Variants in LRRC7 observed in about 807,000 individuals in gnomAD.
The protein encoded by LRRC7 is leucine-rich repeat-containing protein 7.
A neutral mutation model predicts 175.7 loss-of-function variants in LRRC7; 23 were observed. The observed-to-expected ratio is 0.13, with a 90% confidence interval of 0.09 to 0.19. The LOEUF is 0.19. Among genes scored for constraint, LRRC7 ranks in the 10% least tolerant of loss-of-function variants. LRRC7 has a pLI of 1.00. For synonymous variants in LRRC7, 685 were observed against 680.9 expected, an observed-to-expected ratio of 1.01 and a Z score of -0.09; for missense variants, 1,354 against 1,904.7, an observed-to-expected ratio of 0.71 and a Z score of 5.38.
chr1:70,033,154 A>G (rs1004072995), intron 18 of LRRC7, among the ~76,000 whole-genome samples: 5 of 152,236 alleles, frequency 3.3e-5, no homozygotes, highest in African/African-American at 1.2e-4. Flanking sequence ...ACAATACAGC[A>G]TACACAGTAT....
chr1:69,853,414 G>T (rs1683223875), intron 7 of LRRC7, among the ~76,000 whole-genome samples: 1 of 151,250 alleles, frequency 6.6e-6, no homozygotes, highest in African/African-American at 2.4e-5. Context: ...GAGTAGCTGG[G>T]ACTACAGGCA....
chr1:69,807,113 G>A (rs963542339), intron 4 of LRRC7, among the ~76,000 whole-genome samples: 1 of 151,876 alleles, frequency 6.6e-6, no homozygotes, highest in Non-Finnish European at 1.5e-5. Context: ...AGACTAGGAT[G>A]GCAACCCCTG....
In LRRC7 at chr1:69,795,912, G is replaced by GTT. The variant is rs781358321; in HGVS notation, c.421+3760_421+3761dup. Among the ~76,000 whole-genome samples, 397 of 149,488 alleles carry GTT rather than the reference G, an allele frequency of 2.7e-3. 1 individual carries two copies. Among genetic ancestry groups the GTT allele is most frequent in the Non-Finnish European group, 3.4e-3 (227 of 67,318 alleles). On this transcript the variant is annotated intron_variant, in intron 4 of 26. Coordinates refer to ENST00000651989, the MANE Select transcript of LRRC7 (RefSeq NM_001370785.2). Reference sequence around the variant, plus strand: ...ATTTGAGTAAACAGATTTTTTTTGGGTTTTTTTTTGTTTTTTTCTTATTTT... The same window carrying GTT: ...ATTTGAGTAAACAGATTTTTTTTGGGTTTTTTTTTTTGTTTTTTTCTTATTTT...
intron 2 of LRRC7, among the ~76,000 whole-genome samples, chr1:69,708,755 C>T (rs1664363566): frequency 6.6e-6 from 1 of 152,060 alleles, no homozygotes; most frequent in Non-Finnish European, 1.5e-5. Flanking sequence ...CTCCATATGT[C>T]GCTCATATTC....
intron 3 of LRRC7, among the ~76,000 whole-genome samples, chr1:69,783,674 T>C (rs12041299): frequency 0.36 from 53,005 of 147,002 alleles, 9,496 homozygotes; most frequent in East Asian, 0.5. Context: ...ATTGCTTGAA[T>C]CTGGGAGGAG....
chr1:70,061,782 G>A (rs559623177), intron 23 of LRRC7, among the ~76,000 whole-genome samples: 2 of 152,070 alleles, frequency 1.3e-5, no homozygotes, highest in South Asian at 4.1e-4. Flanking sequence ...TAGATCTACG[G>A]AAATGCAACC....
In LRRC7 at chr1:70,142,309, G is replaced by T. The variant is rs568813802; in HGVS notation, c.*20422G>T. ...CTCTAGAAAATTTGGTTTTAGCTTT[G>T]ATGACACCTAGCGTCAGTGGAATGC... is the stretch of plus-strand genomic sequence containing the variant. On this transcript the variant is annotated 3_prime_UTR_variant, in exon 27 of 27. Transcript: ENST00000651989. 3 of 152,226 alleles carry T rather than the reference G, an allele frequency of 2.0e-5. No homozygotes were observed. The highest frequency in any genetic ancestry group is 4.1e-4 in the South Asian group (2 of 4,822). The allele number at this position is 152,226 out of a possible 1,614,324, so 9.4% of individuals were successfully genotyped here. A position where few individuals can be genotyped will look rare whatever the true frequency, so the allele number is the denominator to read the frequency against.
chr1:69,601,001 A>G (rs2100993580), intron 1 of LRRC7, among the ~76,000 whole-genome samples: 1 of 152,020 alleles, frequency 6.6e-6, no homozygotes, highest in Non-Finnish European at 1.5e-5. Flanking sequence ...CTTTTAGTAG[A>G]GACGGGGTTT....
At chr1:69,569,906 CAAAAAAA>C (rs71071364) in intron 1 of LRRC7, among the ~76,000 whole-genome samples, 19 of 87,092 alleles carry the variant, frequency 2.2e-4, no homozygotes, top group South Asian at 9.6e-4. Flanking sequence ...AAAGGAATTA[CAAAAAAA>C]AAAAAAAAAA....
At chr1:69,769,952 T>G (rs565323011) in intron 3 of LRRC7, among the ~76,000 whole-genome samples, 1 of 152,088 alleles carries the variant, frequency 6.6e-6, no homozygotes, top group Non-Finnish European at 1.5e-5. Context: ...TAGAAAGATA[T>G]CCAGGCTCAT....
At chr1:70,107,891 A>G in intron 26 of LRRC7, 65 bp downstream of exon 26, 1 of 1,303,072 alleles carries the variant, frequency 7.7e-7, no homozygotes, top group South Asian at 1.2e-5. Flanking sequence ...CATGTTACCA[A>G]GTTAAATGAT....
At chr1:69,931,461 G>T (rs1647366225) in intron 7 of LRRC7, 46 bp from the exon 8 acceptor site, 3 of 1,476,804 alleles carry the variant, frequency 2.0e-6, no homozygotes, top group Non-Finnish European at 2.8e-6. Flanking sequence ...TTAGAGCAAT[G>T]TATCATGCAC....
intron 1 of LRRC7, among the ~76,000 whole-genome samples, chr1:69,669,094 T>C (rs1286646316): frequency 6.6e-6 from 1 of 152,182 alleles, no homozygotes; most frequent in Non-Finnish European, 1.5e-5. Flanking sequence ...CTACTTAAGA[T>C]AAGAATAGTT....
intron 7 of LRRC7, among the ~76,000 whole-genome samples, chr1:69,915,600 A>G (rs1423425741): frequency 6.6e-6 from 1 of 152,154 alleles, no homozygotes; most frequent in Non-Finnish European, 1.5e-5. Flanking sequence ...ATTTTGTCTG[A>G]GAAGTCCTGC....
intron 4 of LRRC7, among the ~76,000 whole-genome samples, chr1:69,815,189 G>T (rs1438239795): frequency 6.6e-6 from 1 of 152,046 alleles, no homozygotes; most frequent in Non-Finnish European, 1.5e-5. Flanking sequence ...TCTTATGTTG[G>T]ACCATCTGGT....
chr1:70,014,991 G>A (rs1656840885), intron 13 of LRRC7, among the ~76,000 whole-genome samples: 1 of 152,012 alleles, frequency 6.6e-6, no homozygotes, highest in African/African-American at 2.4e-5. Context: ...TTTCAGTGCA[G>A]CAGAATTGAC....
At chr1:70,080,211 C>T (rs530432502) in intron 24 of LRRC7, among the ~76,000 whole-genome samples, 1 of 152,232 alleles carries the variant, frequency 6.6e-6, no homozygotes, top group South Asian at 2.1e-4. Flanking sequence ...CAAATGGAAA[C>T]TTTTATTATT....
intron 2 of LRRC7, among the ~76,000 whole-genome samples, chr1:69,740,232 C>T (rs111942294): frequency 0.011 from 1,607 of 152,098 alleles, 37 homozygotes; most frequent in African/African-American, 0.037. Flanking sequence ...GATGAAAGTC[C>T]AAGAACAACG....
rs888530412 is a variant in LRRC7 at position 69,834,801 on chromosome 1, G to A, written c.522G>A (p.Gln174=). The change falls in exon 6 of 27, where the codon CAG becomes CAA. Residue 174 remains glutamine, a synonymous_variant. Transcript: ENST00000651989. The part of the protein sequence containing the change: ...PISKLPDGFT[Q]LLNLTQLYLN... ...TTAGACTACCTGATGGCTTCACACA[G>A]CTCCTAAACCTGACCCAGCTCTACC... is the stretch of plus-strand genomic sequence containing the variant. 1.2e-6 allele frequency: 2 copies of A among 1,612,950 alleles called. No homozygotes were observed. Among genetic ancestry groups the A allele is most frequent in the South Asian group, 1.1e-5 (1 of 91,032 alleles).
Sources: allele counts gnomAD v4.1 joint callset (sites outside exome capture counted in the v4.1 genomes callset), GRCh38; gene constraint gnomAD v4.1.1; transcripts MANE v1.5; gene names NCBI Gene and HGNC (gene_info 2026-07-23, HGNC 2026-07-21).